CDH23: variants seen among roughly 807,000 people sequenced by gnomAD.
The protein encoded by CDH23 is cadherin related 23.
CDH23 carries 189 observed loss-of-function variants against 317.1 expected under a neutral mutation model. That is an observed-to-expected ratio of 0.60 (90% CI 0.53 to 0.67). CDH23 has a LOEUF of 0.67. CDH23 is among the 30% of genes least tolerant of loss of function. The pLI is 0.00. For synonymous variants in CDH23, 1,839 were observed against 1,876.8 expected, an observed-to-expected ratio of 0.98 and a Z score of 0.52; for missense variants, 4,401 against 4,592.4, an observed-to-expected ratio of 0.96 and a Z score of 1.20.
At chr10:71,510,786 T>C (rs568094239) in intron 4 of CDH23, among the ~76,000 whole-genome samples, 168 bp from the exon 5 acceptor site, 1 of 152,260 alleles carries the variant, frequency 6.6e-6, no homozygotes, top group African/African-American at 2.4e-5. Context: ...CCACACCTGC[T>C]TCCCCAACCC....
rs1207348582 is a variant in CDH23, at chr10:71,732,296, A to C, written c.4025A>C (p.Asn1342Thr). The change falls in exon 32 of 70, where the codon AAC becomes ACC. Residue 1342 changes from asparagine (N) to threonine (T), a missense_variant. By Grantham distance (65) the Asn-to-Thr change is moderately conservative. Transcript: ENST00000224721. ...IVRVQAYSIDNLNQITYRFNA... is the reference protein window; with the variant it reads ...IVRVQAYSIDTLNQITYRFNA... Reference sequence around the variant, plus strand: ...CGGGTCCAGGCCTACTCCATCGACAACCTCAACCAAATCACGTACCGCTTC... The same window carrying C: ...CGGGTCCAGGCCTACTCCATCGACACCCTCAACCAAATCACGTACCGCTTC... 6.2e-7 allele frequency: 1 copy of C among 1,612,350 alleles called. No individual in the cohort carries two copies. Among genetic ancestry groups the C allele is most frequent in the Admixed American group, 1.7e-5 (1 of 59,822 alleles).
At chr10:71,797,272 AG>A (rs1445779636) in intron 49 of CDH23, 52 bp downstream of exon 49, 5 of 1,315,324 alleles carry the variant, frequency 3.8e-6, no homozygotes, top group African/African-American at 1.5e-5. Context: ...CAATCAGGGC[AG>A]GGGGCAGGTG....
chr10:71,761,958 T>A, intron 38 of CDH23: 1 of 1,613,770 alleles, frequency 6.2e-7, no homozygotes. Context: ...CAGGTGAGGG[T>A]GACGTTCTGC....
intron 3 of CDH23, among the ~76,000 whole-genome samples, chr10:71,476,215 C>T (rs532081291): frequency 6.6e-6 from 1 of 152,268 alleles, no homozygotes; most frequent in African/African-American, 2.4e-5. Context: ...ATGGCTGCAT[C>T]TTTCATGCAC....
chr10:71,548,914 T>C (rs1856434634), intron 6 of CDH23, among the ~76,000 whole-genome samples: 1 of 152,244 alleles, frequency 6.6e-6, no homozygotes, highest in African/African-American at 2.4e-5. Flanking sequence ...CTGCCTGCAA[T>C]CACCATAACC....
intron 38 of CDH23, among the ~76,000 whole-genome samples, chr10:71,774,047 G>GCACACACA (rs1228857879): frequency 8.6e-6 from 1 of 116,688 alleles, no homozygotes; most frequent in Non-Finnish European, 1.9e-5. Context: ...GTGCATGCGC[G>GCACACACA]CGCGCACACA....
chr10:71,787,646 C>A (rs566412350), intron 44 of CDH23, among the ~76,000 whole-genome samples: 3 of 152,144 alleles, frequency 2.0e-5, no homozygotes, highest in Non-Finnish European at 4.4e-5. Flanking sequence ...CAATATTTGA[C>A]TTTCTATTTC....
chr10:71,800,566 GGCCATAGTA>G, intron 52 of CDH23, 61 bp from the exon 53 acceptor site: 2 of 1,520,398 alleles, frequency 1.3e-6, no homozygotes, highest in Admixed American at 3.8e-5. Flanking sequence ...AACAGCATCT[GGCCATAGTA>G]GGTGCTCAAT....
In CDH23 at chr10:71,725,007, C is replaced by T. The variant is rs538950934; in HGVS notation, c.3431-365C>T. ...TTTCAGTCCCTCTTTTTGGAGTGCCCCAGGTTCTTCTGAAATATTAAAAAG... is the reference window on the plus strand; with the variant it reads ...TTTCAGTCCCTCTTTTTGGAGTGCCTCAGGTTCTTCTGAAATATTAAAAAG... On this transcript the variant is annotated intron_variant, in intron 29 of 69. Coordinates refer to ENST00000224721, the MANE Select transcript of CDH23 (RefSeq NM_022124.6). 4.6e-5 allele frequency among the ~76,000 whole-genome samples: 7 copies of T among 152,274 alleles called. No individual in the cohort carries two copies. The South Asian group carries it at 1.5e-3, about 32-fold the overall frequency.
Position 71,572,804 on chromosome 10 carries a change from C to CTA in CDH23, c.753+1892_753+1893dup, listed in dbSNP as rs541190461. On this transcript the variant is annotated intron_variant, in intron 8 of 69. Transcript: ENST00000224721. ...ATTATAGTCTCGCCTGTAATGTTAC[C>CTA]TATATATGTGGGTTACTTCTGAGCC... Among the ~76,000 whole-genome samples, 98 of 152,280 alleles carry CTA rather than the reference C, an allele frequency of 6.4e-4. 1 individual carries two copies. The East Asian group carries it at 0.013, about 20-fold the overall frequency.
intron 8 of CDH23, among the ~76,000 whole-genome samples, chr10:71,574,056 G>A (rs1325862489): frequency 2.0e-5 from 3 of 152,044 alleles, no homozygotes; most frequent in South Asian, 2.1e-4. Flanking sequence ...TCCCAGGCCG[G>A]GCCCAGGCTG....
At chr10:71,699,583 G>C (rs1865510922) in intron 22 of CDH23, among the ~76,000 whole-genome samples, 1 of 152,184 alleles carries the variant, frequency 6.6e-6, no homozygotes, top group South Asian at 2.1e-4. Flanking sequence ...GGGAGATTTT[G>C]GTCCCACTCT....
intron 9 of CDH23, among the ~76,000 whole-genome samples, chr10:71,582,011 C>T (rs955290513): frequency 3.9e-5 from 6 of 152,232 alleles, no homozygotes; most frequent in Non-Finnish European, 8.8e-5. Context: ...ATCCTGTGGT[C>T]CTCGCCCGTG....
intron 38 of CDH23, among the ~76,000 whole-genome samples, chr10:71,769,489 A>C (rs1287061839): frequency 6.6e-5 from 10 of 152,258 alleles, no homozygotes; most frequent in Non-Finnish European, 1.5e-4. Context: ...GATTTAAAGA[A>C]AAAAATAAGT....
At chr10:71,734,691 C>T in intron 34 of CDH23, 33 bp downstream of exon 34, 1 of 1,354,528 alleles carries the variant, frequency 7.4e-7, no homozygotes, top group Non-Finnish European at 1.0e-6. Flanking sequence ...TTCCCCTGTG[C>T]TGTTGGCTGT....
At chr10:71,627,207 C>T (rs1396246650) in intron 11 of CDH23, among the ~76,000 whole-genome samples, 1 of 152,168 alleles carries the variant, frequency 6.6e-6, no homozygotes, top group Non-Finnish European at 1.5e-5. Context: ...ACAGCTTCAG[C>T]TCACATTTCT....
At chr10:71,482,977 G>A (rs1008326759) in intron 3 of CDH23, among the ~76,000 whole-genome samples, 1 of 152,176 alleles carries the variant, frequency 6.6e-6, no homozygotes, top group African/African-American at 2.4e-5. Flanking sequence ...TGATCATGTG[G>A]GTCTTGGTAC....
chr10:71,735,337 G>A (rs750356088), intron 34 of CDH23, among the ~76,000 whole-genome samples: 1 of 152,310 alleles, frequency 6.6e-6, no homozygotes, highest in Non-Finnish European at 1.5e-5. Flanking sequence ...GCCCCTGGGG[G>A]AGGGGGGCCC....
At chr10:71,576,358 A>C (rs748749733) in intron 8 of CDH23, among the ~76,000 whole-genome samples, 29 of 152,250 alleles carry the variant, frequency 1.9e-4, no homozygotes, top group Non-Finnish European at 2.5e-4. Context: ...CTGTGAAGGG[A>C]TACAAGTGCT....
Sources: gnomAD v4.1 joint callset for allele counts (sites outside exome capture counted in the v4.1 genomes callset) on GRCh38, gnomAD v4.1.1 for gene constraint, MANE v1.5 for transcripts, NCBI Gene and HGNC (gene_info 2026-07-23, HGNC 2026-07-21) for gene names.